Variants in PRKCH observed in about 807,000 individuals in gnomAD.
PRKCH encodes protein kinase C eta.
Under a neutral mutation model 82.5 loss-of-function variants are expected in PRKCH, and 28 were observed. The ratio of observed to expected loss-of-function variants is 0.34; its 90% CI spans 0.25 to 0.47. The LOEUF is 0.47. Ranked by LOEUF, PRKCH falls within the 20% of genes least tolerant of loss-of-function variation. The pLI is 1.00. For synonymous variants in PRKCH, 322 were observed against 327.4 expected, an observed-to-expected ratio of 0.98 and a Z score of 0.18; for missense variants, 705 against 881.8, an observed-to-expected ratio of 0.80 and a Z score of 2.54.
At chr14:61,450,751 C>A in intron 5 of PRKCH, 91 bp from the exon 6 acceptor site, 5 of 1,467,878 alleles carry the variant, frequency 3.4e-6, no homozygotes, top group Non-Finnish European at 4.6e-6. Context: ...GTCATAGTGA[C>A]ACTTTGCATT....
At chr14:61,421,240 TG>T (rs2140245715) in intron 2 of PRKCH, among the ~76,000 whole-genome samples, 1 of 152,136 alleles carries the variant, frequency 6.6e-6, no homozygotes, top group African/African-American at 2.4e-5. Context: ...TGTCACCTTT[TG>T]TCATCAATAT....
intron 1 of PRKCH, among the ~76,000 whole-genome samples, chr14:61,316,131 T>C (rs1028153981): frequency 3.3e-5 from 5 of 152,218 alleles, no homozygotes; most frequent in Non-Finnish European, 5.9e-5. Context: ...TTCTATAATA[T>C]ACTCAGCCAT....
In PRKCH at chr14:61,457,331, C is replaced by T. The variant is rs1884819096; in HGVS notation, c.1104+12C>T. 1.9e-6 allele frequency: 3 copies of T among 1,613,328 alleles called. No individual in the cohort carries two copies. In the South Asian group the frequency reaches 3.3e-5, roughly 18 times the overall value. ...GGAGTTTTGGGAAGGTGAGTCTTGG[C>T]TTTAACTGTTTGGGTTGAAGTAAGT... On this transcript the variant is annotated intron_variant, in intron 8 of 13. Transcript: ENST00000332981.
intron 1 of PRKCH, among the ~76,000 whole-genome samples, chr14:61,248,750 A>ATGTG: frequency 9.1e-6 from 1 of 110,274 alleles, no homozygotes; most frequent in South Asian, 2.8e-4. Flanking sequence ...CAATGGTTTT[A>ATGTG]TGTATGTATG....
intron 1 of PRKCH, among the ~76,000 whole-genome samples, chr14:61,363,196 A>G (rs1366997204): frequency 1.3e-5 from 2 of 152,234 alleles, no homozygotes; most frequent in Non-Finnish European, 2.9e-5. Context: ...GGGCCCAGCC[A>G]TGAAAAGCCA....
chr14:61,543,210 C>A (rs899638734), intron 12 of PRKCH, among the ~76,000 whole-genome samples: 2 of 152,180 alleles, frequency 1.3e-5, no homozygotes, highest in Non-Finnish European at 2.9e-5. Flanking sequence ...TTTACATGTC[C>A]CCTTAGAACT....
intron 10 of PRKCH, among the ~76,000 whole-genome samples, chr14:61,521,668 A>G (rs974402140): frequency 6.6e-6 from 1 of 152,008 alleles, no homozygotes; most frequent in Non-Finnish European, 1.5e-5. Context: ...CCCAGGCTCA[A>G]GTGATCTTCC....
Position 61,489,217 on chromosome 14 carries a change from G to C in PRKCH, c.1433+3561G>C, listed in dbSNP as rs574439866. 4.6e-5 allele frequency among the ~76,000 whole-genome samples: 7 copies of C among 152,278 alleles called. 1 individual carries two copies. The South Asian group carries it at 1.4e-3, about 32-fold the overall frequency. On this transcript the variant is annotated intron_variant, in intron 10 of 13. Coordinates refer to ENST00000332981, the MANE Select transcript of PRKCH (RefSeq NM_006255.5). ...ACATGTCCCAGAACGCCCTTTATCA[G>C]AGCTAAAATAATCCCCCAGAAGATG...
chr14:61,288,177 A>G (rs2045331273), intron 1 of PRKCH, among the ~76,000 whole-genome samples: 1 of 152,156 alleles, frequency 6.6e-6, no homozygotes, highest in South Asian at 2.1e-4. Context: ...TCCCTATGTG[A>G]TATCATCAAT....
intron 2 of PRKCH, among the ~76,000 whole-genome samples, chr14:61,396,886 A>G (rs966005931): frequency 1.3e-5 from 2 of 152,204 alleles, no homozygotes; most frequent in African/African-American, 4.8e-5. Flanking sequence ...GAATAATTAT[A>G]CAACAGCGCC....
intron 1 of PRKCH, among the ~76,000 whole-genome samples, chr14:61,386,128 T>A (rs1198243943): frequency 7.2e-5 from 11 of 152,190 alleles, no homozygotes; most frequent in Admixed American, 7.2e-4. Context: ...TCTCTCAGAA[T>A]AAATGAAATA....
intron 1 of PRKCH, among the ~76,000 whole-genome samples, chr14:61,275,800 C>T (rs1169717775): frequency 1.3e-5 from 2 of 152,118 alleles, no homozygotes; most frequent in East Asian, 3.8e-4. Flanking sequence ...CCTACAACCC[C>T]CAAAGTTTCT....
At chr14:61,419,888 T>TA (rs1882745481) in intron 2 of PRKCH, among the ~76,000 whole-genome samples, 2 of 152,266 alleles carry the variant, frequency 1.3e-5, no homozygotes, top group African/African-American at 4.8e-5. Flanking sequence ...GTGTCTGCCT[T>TA]ACTCCTTATG....
In PRKCH at chr14:61,485,653, A is replaced by G; in HGVS notation, c.1430A>G (p.Tyr477Cys). The G allele has an allele frequency of 1.2e-6, 2 of 1,612,864 alleles. No individual in the cohort carries two copies. The highest frequency in any genetic ancestry group is 1.7e-6 in the Non-Finnish European group (2 of 1,179,078). Residue 477 changes from tyrosine (Y) to cysteine (C), a missense_variant, in exon 10 of 14, where the codon TAT becomes TGT. Physicochemically the swap from Tyr to Cys is radical, Grantham distance 194 (BLOSUM62 -2). Transcript: ENST00000332981. ...TTCCTCCATGATAAAGGAATCATCTATAGGTGAGTTTTGGTTGCTGCCCTG... is the reference window on the plus strand; with the variant it reads ...TTCCTCCATGATAAAGGAATCATCTGTAGGTGAGTTTTGGTTGCTGCCCTG... ...LMFLHDKGII[Y>C]RDLKLDNVLL...
chr14:61,481,798 G>A (rs538057790), intron 9 of PRKCH, among the ~76,000 whole-genome samples: 6 of 152,064 alleles, frequency 3.9e-5, no homozygotes, highest in South Asian at 4.2e-4. Flanking sequence ...GCACATTCAC[G>A]TTTGTGATCT....
intron 1 of PRKCH, among the ~76,000 whole-genome samples, chr14:61,352,694 G>GAAAGA (rs925590053): frequency 1.1e-5 from 1 of 87,328 alleles, no homozygotes; most frequent in Non-Finnish European, 2.5e-5. Context: ...GGAAAGGAAA[G>GAAAGA]AAAGAAAGAA....
chr14:61,197,080 GTTTTC>G (rs2044446944), intron 1 of PRKCH, among the ~76,000 whole-genome samples: 1 of 152,102 alleles, frequency 6.6e-6, no homozygotes, highest in African/African-American at 2.4e-5. Context: ...CATGATAAAT[GTTTTC>G]TTTTCTGTTC....
At chr14:61,427,520 G>A (rs912177584) in intron 2 of PRKCH, among the ~76,000 whole-genome samples, 1 of 152,068 alleles carries the variant, frequency 6.6e-6, no homozygotes, top group Non-Finnish European at 1.5e-5. Context: ...TGCTTTGCAG[G>A]GTCATTTCAA....
At chr14:61,328,985 CAAAAA>C (rs112999304) in intron 1 of PRKCH, among the ~76,000 whole-genome samples, 1 of 117,298 alleles carries the variant, frequency 8.5e-6, no homozygotes, top group African/African-American at 3.1e-5. Context: ...AACCCTGTCT[CAAAAA>C]AAAAAAAAAG....
Sources: allele counts gnomAD v4.1 joint callset (sites outside exome capture counted in the v4.1 genomes callset), GRCh38; gene constraint gnomAD v4.1.1; transcripts MANE v1.5; gene names NCBI Gene and HGNC (gene_info 2026-07-23, HGNC 2026-07-21).